Variants in DYNC2H1 observed in about 807,000 individuals in gnomAD.
The protein encoded by DYNC2H1 is cytoplasmic dynein 2 heavy chain 1.
A neutral mutation model predicts 570.0 loss-of-function variants in DYNC2H1; 410 were observed. The observed-to-expected ratio is 0.72, with a 90% CI of 0.66 to 0.78. The LOEUF is 0.78. Among genes scored for constraint, DYNC2H1 ranks in the 30% least tolerant of loss-of-function variants. The pLI is 0.00. For synonymous variants in DYNC2H1, 1,688 were observed against 1,677.6 expected (o/e 1.01, Z -0.15); for missense variants, 4,865 against 5,046.4 (o/e 0.96, Z 1.09).
intron 20 of DYNC2H1, 39 bp from the exon 21 acceptor site, chr11:103,152,097 G>T (rs1162858975): frequency 3.4e-6 from 5 of 1,465,416 alleles, no homozygotes; most frequent in South Asian, 1.3e-5. Flanking sequence ...TGATAAAATA[G>T]GTTGTTATTC....
In DYNC2H1 at chr11:103,252,997, T is replaced by C. The variant is rs1864896270; in HGVS notation, c.10043-288T>C. 6.6e-6 allele frequency among the ~76,000 whole-genome samples: 1 copy of C among 152,164 alleles called. No individual in the cohort carries two copies. Among genetic ancestry groups the C allele is most frequent in the African/African-American group, 2.4e-5 (1 of 41,456 alleles). ...TCTATAATCAGCCATTTCAGAGCAATCTGGAATATGAAACATATTAATGTT... is the reference window on the plus strand; with the variant it reads ...TCTATAATCAGCCATTTCAGAGCAACCTGGAATATGAAACATATTAATGTT... On this transcript the variant is annotated intron_variant, in intron 65 of 88. Transcript: ENST00000375735. The surrounding 1 kb of genome is among the most constrained non-coding windows in gnomAD (Gnocchi z 4.6).
At chr11:103,342,134 G>A (rs545230937) in intron 82 of DYNC2H1, among the ~76,000 whole-genome samples, 1 of 152,254 alleles carries the variant, frequency 6.6e-6, no homozygotes, top group East Asian at 1.9e-4. Context: ...CCTGGGTTGA[G>A]TGGGGACTTG....
intron 62 of DYNC2H1, 80 bp downstream of exon 62, chr11:103,235,893 G>A: frequency 7.1e-6 from 11 of 1,542,590 alleles, no homozygotes; most frequent in South Asian, 3.7e-5. Flanking sequence ...ACTAAAAATA[G>A]ACCCTTTATT....
At chr11:103,128,635 T>C (rs1859114900) in intron 12 of DYNC2H1, among the ~76,000 whole-genome samples, 1 of 152,224 alleles carries the variant, frequency 6.6e-6, no homozygotes, top group African/African-American at 2.4e-5. Context: ...GTTCCTTCTT[T>C]CCTATGAGAT....
In DYNC2H1 at chr11:103,198,082, A is replaced by G. The variant is rs1862572524; in HGVS notation, c.7839+19A>G. 3 of 1,548,590 alleles carry G rather than the reference A, an allele frequency of 1.9e-6. No individual in the cohort carries two copies. The Admixed American group carries it at 5.9e-5, about 30-fold the overall frequency. ...TAAAAAGGTATAATATGAATCATTA[A>G]TTGGAACTGGGATTTGGTCATTATA... is the stretch of plus-strand genomic sequence containing the variant. On this transcript the variant is annotated intron_variant, in intron 48 of 88. Transcript: ENST00000375735.
intron 83 of DYNC2H1, among the ~76,000 whole-genome samples, chr11:103,362,049 G>A (rs999754614): frequency 6.6e-6 from 1 of 152,034 alleles, no homozygotes; most frequent in East Asian, 1.9e-4. Flanking sequence ...AATGTATCTA[G>A]ACAATTCTTT....
At chr11:103,304,315 T>G (rs1346291792) in intron 76 of DYNC2H1, among the ~76,000 whole-genome samples, 1 of 152,132 alleles carries the variant, frequency 6.6e-6, no homozygotes, top group Non-Finnish European at 1.5e-5. Flanking sequence ...AGTTTATACA[T>G]TAGGTCAATA....
At chr11:103,155,117 C>A (rs1591328569) in intron 24 of DYNC2H1, among the ~76,000 whole-genome samples, 1 of 151,914 alleles carries the variant, frequency 6.6e-6, no homozygotes, top group East Asian at 1.9e-4. Flanking sequence ...ATATATTAAA[C>A]TACAAAGGGT....
chr11:103,478,947 T>C (rs1945656226), intron 88 of DYNC2H1, 148 bp from the exon 89 acceptor site: 2 of 916,890 alleles, frequency 2.2e-6, no homozygotes, highest in Non-Finnish European at 3.1e-6. Context: ...ATGTGTTTCA[T>C]TTTGTTGCAG....
intron 28 of DYNC2H1, among the ~76,000 whole-genome samples, chr11:103,160,537 G>A (rs1192079588): frequency 6.6e-6 from 1 of 151,954 alleles, no homozygotes; most frequent in Non-Finnish European, 1.5e-5. Flanking sequence ...ACTCCCCCAA[G>A]AATGTGAGTT....
At chr11:103,121,568 C>T in intron 10 of DYNC2H1, 72 bp downstream of exon 10, 1 of 1,470,530 alleles carries the variant, frequency 6.8e-7, no homozygotes, top group East Asian at 2.3e-5. Context: ...AGAAGGTACT[C>T]TAGAGCTGTA....
At chr11:103,339,781 A>G (rs1003837596) in intron 82 of DYNC2H1, among the ~76,000 whole-genome samples, 1 of 152,236 alleles carries the variant, frequency 6.6e-6, no homozygotes, top group African/African-American at 2.4e-5. Context: ...CAAATTTATT[A>G]GAGGCCCAGG....
At chr11:103,406,034 A>C (rs1942852958) in intron 84 of DYNC2H1, among the ~76,000 whole-genome samples, 1 of 151,988 alleles carries the variant, frequency 6.6e-6, no homozygotes, top group South Asian at 2.1e-4. Flanking sequence ...TTAGCTGTTA[A>C]CTAAATTATC....
chr11:103,121,623 A>G, intron 10 of DYNC2H1, 127 bp downstream of exon 10: 1 of 1,066,220 alleles, frequency 9.4e-7, no homozygotes, highest in Non-Finnish European at 1.3e-6. Context: ...TCTAATTTTC[A>G]TACAAAATGC....
At chr11:103,359,734 G>A (rs576440197) in intron 83 of DYNC2H1, among the ~76,000 whole-genome samples, 6 of 145,874 alleles carry the variant, frequency 4.1e-5, no homozygotes, top group Admixed American at 2.2e-4. Context: ...GCATGATCTC[G>A]GCTCACTGCA....
chr11:103,399,770 A>C lies in DYNC2H1; in HGVS notation c.12264A>C (p.Gln4088His). The change falls in exon 84 of 89, where the codon CAA becomes CAC. Residue 4088 changes from glutamine (Q) to histidine (H), a missense_variant. Around this residue, in one of 5 missense-constraint regions of DYNC2H1, gnomAD observed 2,401 missense variants for 2,454.6 expected, o/e 0.98. Transcript: ENST00000375735. ...LEQFNAIRLV[Q>H]SVHQSLAALS... ...AATTTAATGCTATTCGTTTAGTACA[A>C]AGTGTCCACCAGTCTCTTGCTGCTC... 6.2e-7 allele frequency: 1 copy of C among 1,613,896 alleles called. No individual in the cohort carries two copies. Among genetic ancestry groups the C allele is most frequent in the Non-Finnish European group, 8.5e-7 (1 of 1,179,846 alleles).
At chr11:103,257,906 A>G (rs924516061) in intron 69 of DYNC2H1, among the ~76,000 whole-genome samples, 155 bp downstream of exon 69, 2 of 152,204 alleles carry the variant, frequency 1.3e-5, no homozygotes, top group Non-Finnish European at 2.9e-5. Flanking sequence ...TAAAGAAACT[A>G]CTTAATTTCT....
chr11:103,381,164 A>G (rs564125413), intron 83 of DYNC2H1, among the ~76,000 whole-genome samples: 3 of 152,332 alleles, frequency 2.0e-5, no homozygotes, highest in Non-Finnish European at 2.9e-5. Context: ...ATAATGTTCT[A>G]AGAGCAAGGT....
At chr11:103,436,140 A>G in intron 85 of DYNC2H1, 108 bp downstream of exon 85, 1 of 800,814 alleles carries the variant, frequency 1.2e-6, no homozygotes, top group Non-Finnish European at 1.9e-6. Context: ...GATTTTGCAC[A>G]TAAAACATCA....
Sources: gnomAD v4.1 joint callset for allele counts (sites outside exome capture counted in the v4.1 genomes callset) on GRCh38, gnomAD v4.1.1 for gene constraint, gnomAD v4.1.1 regional missense constraint, Gnocchi (gnomAD v3.1) non-coding constraint, MANE v1.5 for transcripts, NCBI Gene and HGNC (gene_info 2026-07-23, HGNC 2026-07-21) for gene names.